The following SYTL2 variants were observed in gnomAD, a reference collection of about 807,000 sequenced individuals.
The protein encoded by SYTL2 is synaptotagmin like 2, also known as synaptotagmin-like protein 2.
SYTL2 carries 165 observed loss-of-function variants against 198.7 expected under a neutral mutation model. The observed-to-expected ratio is 0.83, with a 90% CI of 0.73 to 0.94. The LOEUF (loss-of-function observed/expected upper bound fraction) is 0.94. Among genes scored for constraint, SYTL2 ranks in the 40% least tolerant of loss-of-function variants. The pLI, the probability that SYTL2 is intolerant of heterozygous loss-of-function variation, is 0.00. For missense variants in SYTL2, 2,835 were observed against 2,582.8 expected (o/e 1.10, Z -2.12); for synonymous variants, 966 against 917.7 (o/e 1.05, Z -0.95).
chr11:85,709,268 A>T, intron 14 of SYTL2, 63 bp downstream of exon 14: 6 of 1,533,194 alleles, frequency 3.9e-6, no homozygotes, highest in Non-Finnish European at 5.4e-6. Context: ...ATTTCCTTCC[A>T]ATTCCTGTAA....
chr11:85,702,295 T>A (rs988010262), intron 16 of SYTL2, among the ~76,000 whole-genome samples: 1 of 151,666 alleles, frequency 6.6e-6, no homozygotes, highest in Non-Finnish European at 1.5e-5. Context: ...GTTCAAGTGA[T>A]CCTCCCATTT....
intron 1 of SYTL2, among the ~76,000 whole-genome samples, chr11:85,758,973 A>C (rs930773183): frequency 7.2e-5 from 11 of 152,192 alleles, no homozygotes; most frequent in Non-Finnish European, 1.6e-4. Flanking sequence ...GGCTGGGTGC[A>C]GTGGTTCATG....
intron 16 of SYTL2, among the ~76,000 whole-genome samples, 180 bp downstream of exon 16, chr11:85,704,678 T>A (rs183193242): frequency 6.6e-6 from 1 of 152,332 alleles, no homozygotes; most frequent in East Asian, 1.9e-4. Context: ...CTGAAACATT[T>A]GTGTTAAATG....
intron 1 of SYTL2, among the ~76,000 whole-genome samples, chr11:85,790,115 TA>T (rs2092708445): frequency 6.6e-6 from 1 of 152,182 alleles, no homozygotes; most frequent in African/African-American, 2.4e-5. Context: ...TTTTTTATAA[TA>T]TTTTTAATAC....
intron 1 of SYTL2, among the ~76,000 whole-genome samples, chr11:85,808,248 G>T (rs1007751577): frequency 3.3e-5 from 5 of 151,988 alleles, no homozygotes; most frequent in African/African-American, 1.2e-4. Context: ...TGTATTTTTA[G>T]TAGAGATGGG....
chr11:85,714,595 C>T lies in SYTL2; in HGVS notation c.5531-88G>A, dbSNP rs115512187. ...AGTTGAAAACATACTTTTATTTAAT[C>T]TATGAACAAACATGTTTTTGTAAAA... On this transcript the variant is annotated intron_variant, in intron 11 of 19. Coordinates refer to ENST00000359152, the MANE Select transcript of SYTL2 (RefSeq NM_206927.4). The T allele has an allele frequency of 2.1e-4, 311 of 1,517,066 alleles. 1 individual carries two copies. In the African/African-American group the frequency reaches 3.9e-3, roughly 19 times the overall value. The allele number at this position is 1,517,066 out of a possible 1,614,324, so 94.0% of individuals were successfully genotyped here.
intron 1 of SYTL2, among the ~76,000 whole-genome samples, chr11:85,795,234 C>T (rs2092786393): frequency 6.6e-6 from 1 of 151,892 alleles, no homozygotes; most frequent in African/African-American, 2.4e-5. Context: ...TTTCAGCCCC[C>T]CAAATAAAGT....
At chr11:85,794,991 T>A (rs1330689880) in intron 1 of SYTL2, among the ~76,000 whole-genome samples, 2 of 152,116 alleles carry the variant, frequency 1.3e-5, no homozygotes, top group African/African-American at 4.8e-5. Flanking sequence ...TACTTCGGTC[T>A]CCACATTTAC....
chr11:85,841,367 C>T, the SYTL2 span, among the ~76,000 whole-genome samples: 1 of 152,146 alleles, frequency 6.6e-6, no homozygotes, highest in African/African-American at 2.4e-5. Flanking sequence ...GACACATGCA[C>T]GCATATGTTC....
the SYTL2 span, among the ~76,000 whole-genome samples, chr11:85,817,333 T>C: frequency 2.0e-5 from 3 of 152,198 alleles, no homozygotes; most frequent in Non-Finnish European, 1.5e-5. Context: ...CCTGTGCTGT[T>C]TAAAATGGTA....
intron 1 of SYTL2, among the ~76,000 whole-genome samples, chr11:85,795,123 T>C (rs2092783777): frequency 6.6e-6 from 1 of 152,196 alleles, no homozygotes; most frequent in South Asian, 2.1e-4. Context: ...AAAGACTTAG[T>C]CTAGCATGAG....
At chr11:85,840,138 A>AT in the SYTL2 span, among the ~76,000 whole-genome samples, 3 of 151,858 alleles carry the variant, frequency 2.0e-5, no homozygotes, top group Admixed American at 6.6e-5. Flanking sequence ...AGATTATTAG[A>AT]TTTTTTTTCC....
At chr11:85,802,220 C>CTTTTTT (rs5793172) in intron 1 of SYTL2, among the ~76,000 whole-genome samples, 357 of 122,496 alleles carry the variant, frequency 2.9e-3, no homozygotes, top group Middle Eastern at 6.0e-3. Flanking sequence ...TTTTTCTTTT[C>CTTTTTT]TTTTTTTTTT....
intron 18 of SYTL2, among the ~76,000 whole-genome samples, chr11:85,697,343 T>C (rs1257433491): frequency 6.6e-6 from 1 of 152,312 alleles, no homozygotes; most frequent in East Asian, 1.9e-4. Context: ...CTGTACCAGA[T>C]ATATGTCACA....
the SYTL2 span, among the ~76,000 whole-genome samples, chr11:85,841,099 T>C: frequency 6.6e-6 from 1 of 151,604 alleles, no homozygotes; most frequent in African/African-American, 2.4e-5. Flanking sequence ...ACATCACTGA[T>C]CAGCAAATCA....
intron 10 of SYTL2, 78 bp from the exon 11 acceptor site, chr11:85,717,608 G>T: frequency 8.0e-7 from 1 of 1,243,842 alleles, no homozygotes; most frequent in Non-Finnish European, 1.2e-6. Context: ...AAGCTCAAAT[G>T]TCAGTTTCAC....
At chr11:85,810,029 G>A (rs887704327) in intron 1 of SYTL2, among the ~76,000 whole-genome samples, 1 of 152,200 alleles carries the variant, frequency 6.6e-6, no homozygotes, top group Non-Finnish European at 1.5e-5. Context: ...ACAAGGGGAC[G>A]GGAAGCTGGA....
At chr11:85,711,831 T>C (rs1184616242) in intron 12 of SYTL2, among the ~76,000 whole-genome samples, 1 of 152,204 alleles carries the variant, frequency 6.6e-6, no homozygotes, top group African/African-American at 2.4e-5. Context: ...CTTATCTTTT[T>C]GTTCCTAGAG....
At position 85,709,444 on chromosome 11, in the gene SYTL2, T is replaced by C; in HGVS notation, c.5802A>G (p.Lys1934=). The C allele has an allele frequency of 6.2e-7, 1 of 1,614,132 alleles. No homozygotes were observed. The highest frequency in any genetic ancestry group is 8.5e-7 in the Non-Finnish European group (1 of 1,180,008). ...ATTCAATTGCAAACTGAATATTTCCTTTAACTTCCAGATTGCCAAAGTCTC... is the reference window on the plus strand; with the variant it reads ...ATTCAATTGCAAACTGAATATTTCCCTTAACTTCCAGATTGCCAAAGTCTC... ...YSGDFGNLEV[K]GNIQFAIEYV... Residue 1934 remains lysine, a synonymous_variant, in exon 14 of 20, where the codon AAA becomes AAG. Transcript: ENST00000359152.
Sources: gnomAD v4.1 joint callset for allele counts (sites outside exome capture counted in the v4.1 genomes callset) on GRCh38, gnomAD v4.1.1 for gene constraint, MANE v1.5 for transcripts, NCBI Gene and HGNC (gene_info 2026-07-23, HGNC 2026-07-21) for gene names.